Variants in SAMD12 observed in about 807,000 individuals in gnomAD.
The protein encoded by SAMD12 is sterile alpha motif domain-containing protein 12.
In SAMD12, 9 loss-of-function variants were observed where a neutral mutation model predicts 15.0. The observed-to-expected ratio is 0.60, with a 90% CI of 0.36 to 1.05. The LOEUF (loss-of-function observed/expected upper bound fraction) is 1.05, where lower values mean the gene tolerates loss of function less well. Ranked by LOEUF, SAMD12 falls within the 50% of genes least tolerant of loss-of-function variation. SAMD12 has a pLI of 0.01. For synonymous variants in SAMD12, 86 were observed against 90.1 expected (o/e 0.96, Z 0.25); for missense variants, 230 against 234.2 (o/e 0.98, Z 0.12).
At chr8:118,406,580 C>T (rs1428190927) in intron 3 of SAMD12, among the ~76,000 whole-genome samples, 2 of 152,048 alleles carry the variant, frequency 1.3e-5, no homozygotes, top group African/African-American at 4.8e-5. Context: ...ACCTCTTAAC[C>T]ATTTTAAAGT....
chr8:118,605,764 CAATATATATATATATATATATATA>C (rs1209121071), intron 1 of SAMD12, among the ~76,000 whole-genome samples: 2 of 81,562 alleles, frequency 2.5e-5, no homozygotes, highest in African/African-American at 1.0e-4. Flanking sequence ...AAACCCATCA[CAATATATATATATATATATATATA>C]TATATATATA....
At chr8:118,148,077 A>G in the SAMD12 span, among the ~76,000 whole-genome samples, 1 of 151,604 alleles carries the variant, frequency 6.6e-6, no homozygotes, top group Middle Eastern at 3.4e-3. Context: ...ACAGGCATGC[A>G]CCACCATGCC....
intron 2 of SAMD12, among the ~76,000 whole-genome samples, chr8:118,530,803 A>G (rs190065207): frequency 1.3e-5 from 2 of 152,246 alleles, no homozygotes; most frequent in African/African-American, 4.8e-5. Context: ...AGCTTTTGCT[A>G]GGTTTTCTTG....
intron 2 of SAMD12, among the ~76,000 whole-genome samples, chr8:118,472,588 T>A (rs1563881380): frequency 6.6e-6 from 1 of 151,920 alleles, no homozygotes; most frequent in Non-Finnish European, 1.5e-5. Context: ...GGTGGGAGGA[T>A]CCCTTTACCC....
chr8:118,557,436 C>A (rs1826571124), intron 2 of SAMD12, among the ~76,000 whole-genome samples: 1 of 152,068 alleles, frequency 6.6e-6, no homozygotes, highest in South Asian at 2.1e-4. Flanking sequence ...ATACAGGGGA[C>A]ATTTAGGAAG....
chr8:118,204,466 C>G (rs560402675), intron 4 of SAMD12, among the ~76,000 whole-genome samples: 1 of 152,152 alleles, frequency 6.6e-6, no homozygotes, highest in African/African-American at 2.4e-5. Context: ...GTCAGAATCT[C>G]CAAAGAGGCC....
At chr8:118,457,222 CT>C (rs796704911) in intron 2 of SAMD12, among the ~76,000 whole-genome samples, 2,562 of 140,634 alleles carry the variant, frequency 0.018, 21 homozygotes, top group African/African-American at 0.033. Flanking sequence ...CTCTCTCTCT[CT>C]TTTTTTTTTT....
At chr8:118,212,062 T>TG (rs1563697315) in intron 4 of SAMD12, among the ~76,000 whole-genome samples, 1 of 150,740 alleles carries the variant, frequency 6.6e-6, no homozygotes, top group African/African-American at 2.4e-5. Context: ...GTTGCAGATT[T>TG]TGTGTGTGTG....
At chr8:118,158,169 T>TG in the SAMD12 span, among the ~76,000 whole-genome samples, 1 of 152,210 alleles carries the variant, frequency 6.6e-6, no homozygotes, top group Non-Finnish European at 1.5e-5. Context: ...AGGTACATCT[T>TG]GCATATTCAC....
intron 2 of SAMD12, among the ~76,000 whole-genome samples, chr8:118,532,485 A>G (rs1563912760): frequency 6.6e-6 from 1 of 151,900 alleles, no homozygotes; most frequent in Non-Finnish European, 1.5e-5. Context: ...CTCTTTTTCT[A>G]TTGATTGGAA....
intron 2 of SAMD12, among the ~76,000 whole-genome samples, chr8:118,550,226 T>C (rs1826281687): frequency 6.6e-6 from 1 of 152,034 alleles, no homozygotes; most frequent in African/African-American, 2.4e-5. Context: ...CACATAATTG[T>C]CAGATTCACC....
At chr8:118,395,535 C>T (rs1440517289) in intron 3 of SAMD12, among the ~76,000 whole-genome samples, 1 of 152,070 alleles carries the variant, frequency 6.6e-6, no homozygotes, top group African/African-American at 2.4e-5. Context: ...GTTCAGGGAC[C>T]AAAATGTCAT....
At chr8:118,305,026 A>G (rs1815250724) in intron 4 of SAMD12, among the ~76,000 whole-genome samples, 2 of 144,680 alleles carry the variant, frequency 1.4e-5, no homozygotes. Context: ...GTGGGCGCCC[A>G]TAATCCCAGC....
intron 3 of SAMD12, among the ~76,000 whole-genome samples, chr8:118,392,284 A>T (rs535728774): frequency 2.6e-5 from 4 of 152,198 alleles, no homozygotes; most frequent in Admixed American, 2.6e-4. Flanking sequence ...CAAAAAAATT[A>T]GCTGGGCCTG....
At chr8:118,455,482 A>G (rs1466160268) in intron 2 of SAMD12, among the ~76,000 whole-genome samples, 2 of 152,098 alleles carry the variant, frequency 1.3e-5, no homozygotes, top group Non-Finnish European at 2.9e-5. Context: ...CCTAAATGGT[A>G]TGCTTTGGGG....
chr8:118,152,962 G>C, the SAMD12 span, among the ~76,000 whole-genome samples: 1 of 152,210 alleles, frequency 6.6e-6, no homozygotes, highest in African/African-American at 2.4e-5. Flanking sequence ...CATGATTACT[G>C]TGAATAGATC....
At chr8:118,201,072 T>C (rs1020698006) in intron 4 of SAMD12, among the ~76,000 whole-genome samples, 1 of 152,198 alleles carries the variant, frequency 6.6e-6, no homozygotes, top group Non-Finnish European at 1.5e-5. Flanking sequence ...TGCTAGAGAC[T>C]TATCTGCAAC....
rs187365086 is a variant in SAMD12, at chr8:118,589,256, C to T, written c.14-8363G>A. ...AGCCTGACAATGATGATGTGGCTGC[C>T]CAAGCTGGACCTACATGACTGTTCA... On this transcript the variant is annotated intron_variant, in intron 1 of 3. Transcript: ENST00000314727. Among the ~76,000 whole-genome samples the T allele has an allele frequency of 3.5e-4, 53 of 152,280 alleles. No individual in the cohort carries two copies. In the East Asian group the frequency reaches 9.7e-3, roughly 28 times the overall value.
chr8:118,586,668 T>C (rs1411814189), intron 1 of SAMD12, among the ~76,000 whole-genome samples: 18 of 152,134 alleles, frequency 1.2e-4, no homozygotes, highest in Admixed American at 1.1e-3. Flanking sequence ...ATGATCTGTA[T>C]GTGTGTGTAT....
Sources: allele counts gnomAD v4.1 joint callset (sites outside exome capture counted in the v4.1 genomes callset), GRCh38; gene constraint gnomAD v4.1.1; transcripts MANE v1.5; gene names NCBI Gene and HGNC (gene_info 2026-07-23, HGNC 2026-07-21).